The following CNTN4 variants were observed in gnomAD, a reference collection of about 807,000 sequenced individuals.
CNTN4 encodes contactin-4.
CNTN4 carries 77 observed loss-of-function variants against 122.5 expected under a neutral mutation model. The observed-to-expected ratio is 0.63, with a 90% CI of 0.52 to 0.76. CNTN4 has a LOEUF of 0.76. CNTN4 is among the 30% of genes least tolerant of loss of function. CNTN4 has a pLI of 0.00. For synonymous variants in CNTN4, 512 were observed against 447.0 expected, an observed-to-expected ratio of 1.15 and a Z score of -1.83; for missense variants, 1,256 against 1,259.1, an observed-to-expected ratio of 1.00 and a Z score of 0.04.
intron 3 of CNTN4, among the ~76,000 whole-genome samples, chr3:2,347,748 G>A (rs2044456820): frequency 1.3e-5 from 2 of 151,892 alleles, no homozygotes; most frequent in African/African-American, 4.8e-5. Context: ...AAACAAAGGA[G>A]AACTGTAGTA....
chr3:2,204,052 T>C (rs2038228553), intron 2 of CNTN4, among the ~76,000 whole-genome samples: 1 of 152,190 alleles, frequency 6.6e-6, no homozygotes, highest in South Asian at 2.1e-4. Flanking sequence ...TCATAAACAA[T>C]TGTAACATTT....
chr3:2,940,173 T>A (rs2094600954), intron 13 of CNTN4, among the ~76,000 whole-genome samples: 1 of 152,172 alleles, frequency 6.6e-6, no homozygotes, highest in African/African-American at 2.4e-5. Context: ...GACAGACTCT[T>A]CTGATTTATG....
chr3:2,255,978 TA>T (rs534894043), intron 2 of CNTN4, among the ~76,000 whole-genome samples: 24 of 151,948 alleles, frequency 1.6e-4, no homozygotes, highest in African/African-American at 5.3e-4. Context: ...GAAAAACCCT[TA>T]AAAAAAATCA....
chr3:2,675,279 G>A (rs963504888), intron 4 of CNTN4, among the ~76,000 whole-genome samples: 12 of 151,940 alleles, frequency 7.9e-5, no homozygotes, highest in African/African-American at 2.7e-4. Flanking sequence ...CACACTCCCA[G>A]AACATGCCAA....
intron 3 of CNTN4, among the ~76,000 whole-genome samples, chr3:2,452,075 A>T (rs1345615429): frequency 6.6e-6 from 1 of 152,208 alleles, no homozygotes; most frequent in Non-Finnish European, 1.5e-5. Flanking sequence ...ACATTCACAG[A>T]GAATGGAAAA....
intron 3 of CNTN4, among the ~76,000 whole-genome samples, chr3:2,564,102 CA>C (rs902397547): frequency 6.6e-6 from 1 of 151,876 alleles, no homozygotes; most frequent in Non-Finnish European, 1.5e-5. Flanking sequence ...GTACATATGA[CA>C]AAAAAATCAA....
At chr3:2,478,203 G>C (rs557400281) in intron 3 of CNTN4, among the ~76,000 whole-genome samples, 1 of 152,194 alleles carries the variant, frequency 6.6e-6, no homozygotes, top group Non-Finnish European at 1.5e-5. Flanking sequence ...GTACATTTTT[G>C]ATGTTTTCTT....
chr3:2,289,308 G>A (rs143464377), intron 2 of CNTN4, among the ~76,000 whole-genome samples: 1 of 152,312 alleles, frequency 6.6e-6, no homozygotes, highest in East Asian at 1.9e-4. Context: ...TGCACAGAAA[G>A]AGGAGCATGG....
chr3:2,225,583 C>T (rs1475607068), intron 2 of CNTN4, among the ~76,000 whole-genome samples: 1 of 152,186 alleles, frequency 6.6e-6, no homozygotes, highest in East Asian at 1.9e-4. Context: ...ATCTTTGGTA[C>T]AGCCAATAGA....
chr3:2,148,666 G>A (rs1392357722), intron 2 of CNTN4, among the ~76,000 whole-genome samples: 1 of 152,150 alleles, frequency 6.6e-6, no homozygotes, highest in Non-Finnish European at 1.5e-5. Flanking sequence ...TAAATCTTAT[G>A]AGGCTTGATA....
At chr3:2,328,196 G>A (rs1488702102) in intron 2 of CNTN4, among the ~76,000 whole-genome samples, 3 of 152,130 alleles carry the variant, frequency 2.0e-5, no homozygotes, top group African/African-American at 7.2e-5. Flanking sequence ...ACGGGGTCAG[G>A]AGATCGAGAC....
intron 14 of CNTN4, among the ~76,000 whole-genome samples, chr3:3,003,611 C>T (rs1696259783): frequency 7.2e-6 from 1 of 138,140 alleles, no homozygotes. Flanking sequence ...TTAGGACTGA[C>T]TCCTAATAAG....
At chr3:2,329,156 T>G (rs989177067) in intron 2 of CNTN4, among the ~76,000 whole-genome samples, 3 of 152,130 alleles carry the variant, frequency 2.0e-5, no homozygotes, top group Non-Finnish European at 4.4e-5. Context: ...CAACTTAAAC[T>G]CAAATGTTTA....
At chr3:2,179,315 G>A (rs2036904224) in intron 2 of CNTN4, among the ~76,000 whole-genome samples, 1 of 151,904 alleles carries the variant, frequency 6.6e-6, no homozygotes, top group Non-Finnish European at 1.5e-5. Flanking sequence ...TTGCTTCCTG[G>A]TCTTCTGTTC....
intron 13 of CNTN4, among the ~76,000 whole-genome samples, chr3:2,949,575 C>G (rs1053287285): frequency 5.3e-5 from 8 of 152,148 alleles, no homozygotes; most frequent in Admixed American, 3.3e-4. Flanking sequence ...TTTCAAGAAT[C>G]AGAATTTTCC....
rs79764654 is a variant in CNTN4 at position 2,471,237 on chromosome 3, CT to C, written c.-88-100175del. Among the ~76,000 whole-genome samples the C allele has an allele frequency of 4.5e-4, 69 of 152,276 alleles. No homozygotes were observed. In the East Asian group the frequency reaches 0.012, roughly 26 times the overall value. ...ACTGTGATTTTCAAAGAGCTACAAG[CT>C]TTTATTGACAGAACCAGTATTTATT... On this transcript the variant is annotated intron_variant, in intron 3 of 24. Transcript: ENST00000418658.
At chr3:2,505,474 G>A (rs372558592) in intron 3 of CNTN4, among the ~76,000 whole-genome samples, 2 of 152,122 alleles carry the variant, frequency 1.3e-5, no homozygotes, top group African/African-American at 4.8e-5. Flanking sequence ...CATTTTATGT[G>A]TTATTTTAGA....
intron 3 of CNTN4, among the ~76,000 whole-genome samples, chr3:2,430,422 C>CAA (rs545639324): frequency 7.1e-4 from 43 of 60,152 alleles, no homozygotes; most frequent in African/African-American, 1.9e-3. Flanking sequence ...ACTCTTGTCT[C>CAA]AAAAAAAAAA....
chr3:2,338,195 C>A (rs956820112), intron 2 of CNTN4, among the ~76,000 whole-genome samples: 1 of 151,808 alleles, frequency 6.6e-6, no homozygotes, highest in African/African-American at 2.4e-5. Flanking sequence ...ATGAAGAATA[C>A]CTGTTTAGTC....
Sources: allele counts gnomAD v4.1 joint callset (sites outside exome capture counted in the v4.1 genomes callset), GRCh38; gene constraint gnomAD v4.1.1; transcripts MANE v1.5; gene names NCBI Gene and HGNC (gene_info 2026-07-23, HGNC 2026-07-21).